PTPN9: variants seen among roughly 807,000 people sequenced by gnomAD.
The protein encoded by PTPN9 is tyrosine-protein phosphatase non-receptor type 9.
PTPN9 carries 26 observed loss-of-function variants against 69.8 expected under a neutral mutation model. The observed-to-expected ratio is 0.37, with a 90% CI of 0.27 to 0.52. PTPN9 has a LOEUF of 0.52. Among genes scored for constraint, PTPN9 ranks in the 20% least tolerant of loss-of-function variants. The probability of loss-of-function intolerance (pLI) is 0.91; values close to 1 mark genes in which losing one functional copy is unlikely to be tolerated. For synonymous variants in PTPN9, 274 were observed against 272.5 expected (o/e 1.01, Z -0.05); for missense variants, 549 against 740.3 (o/e 0.74, Z 3.00).
chr15:75,522,986 ATT>A, intron 4 of PTPN9, 133 bp downstream of exon 4: 1 of 1,044,474 alleles, frequency 9.6e-7, no homozygotes, highest in Non-Finnish European at 1.4e-6. Context: ...AAGGACATGG[ATT>A]GTTTTCTATT....
At chr15:75,480,270 G>GT (rs1156786806) in intron 8 of PTPN9, among the ~76,000 whole-genome samples, 1 of 152,108 alleles carries the variant, frequency 6.6e-6, no homozygotes, top group African/African-American at 2.4e-5. Flanking sequence ...TACCAAAGGC[G>GT]TAAGTGACAA....
chr15:75,574,598 T>C (rs2075162992), intron 1 of PTPN9, among the ~76,000 whole-genome samples: 1 of 152,124 alleles, frequency 6.6e-6, no homozygotes, highest in East Asian at 1.9e-4. Context: ...TTCTGATTCA[T>C]ATGACTGTAC....
In PTPN9 at chr15:75,517,377, C is replaced by G. The variant is rs2074875959; in HGVS notation, c.423-13G>C. 6.3e-7 allele frequency: 1 copy of G among 1,599,748 alleles called. No individual in the cohort carries two copies. Among genetic ancestry groups the G allele is most frequent in the African/African-American group, 1.3e-5 (1 of 74,436 alleles). ...CTGAGTTTCAAAGCTGTAAATCAAC[C>G]ATTGAACAAAAACATTTGTAAGTAA... On this transcript the variant is annotated splice_polypyrimidine_tract_variant and intron_variant, in intron 4 of 12. Transcript: ENST00000618819.
At chr15:75,476,151 C>A (rs2074594850) in intron 9 of PTPN9, among the ~76,000 whole-genome samples, 1 of 151,936 alleles carries the variant, frequency 6.6e-6, no homozygotes, top group Admixed American at 6.6e-5. Flanking sequence ...AGAGTGAGAC[C>A]CTGTCTCAAA....
intron 1 of PTPN9, among the ~76,000 whole-genome samples, chr15:75,569,885 G>A (rs529726509): frequency 2.6e-3 from 391 of 151,720 alleles, no homozygotes; most frequent in Non-Finnish European, 4.8e-3. Context: ...GCAGTGGCGC[G>A]ATCTCAGCTC....
At position 75,468,703 on chromosome 15, in the gene PTPN9, T is replaced by C. The variant is rs943805833; in HGVS notation, c.*66A>G. The C allele has an allele frequency of 6.9e-7, 1 of 1,443,684 alleles. No individual in the cohort carries two copies. Among genetic ancestry groups the C allele is most frequent in the African/African-American group, 1.4e-5 (1 of 71,348 alleles). The allele number at this position is 1,443,684 out of a possible 1,614,324, so 89.4% of individuals were successfully genotyped here. A position where few individuals can be genotyped will look rare whatever the true frequency, so the allele number is the denominator to read the frequency against. ...CTTCAGCGTAACTGATGGCAACCTATAGGCTCAGCGGTGTCCAGGGTAGTT... is the reference window on the plus strand; with the variant it reads ...CTTCAGCGTAACTGATGGCAACCTACAGGCTCAGCGGTGTCCAGGGTAGTT... On this transcript the variant is annotated 3_prime_UTR_variant, in exon 13 of 13. Coordinates refer to ENST00000618819, the MANE Select transcript of PTPN9 (RefSeq NM_002833.4).
At chr15:75,538,090 A>G (rs1277340819) in intron 1 of PTPN9, among the ~76,000 whole-genome samples, 1 of 149,450 alleles carries the variant, frequency 6.7e-6, no homozygotes, top group Non-Finnish European at 1.5e-5. Context: ...AAACACACAC[A>G]CACACAAAGC....
In PTPN9 at chr15:75,468,810, C is replaced by A. The variant is rs1402526433; in HGVS notation, c.1741G>T (p.Val581Leu). 1 of 1,614,088 alleles carries A rather than the reference C, an allele frequency of 6.2e-7. No homozygotes were observed. The highest frequency in any genetic ancestry group is 8.5e-7 in the Non-Finnish European group (1 of 1,179,990). ...ILEFAEKEGM[V>L]SSGQNLLAVE... Reference sequence around the variant, plus strand: ...GCCAGCAGGTTTTGGCCAGAGGATACCATGCCCTCCTTCTCTGCGAACTCC... The same window carrying A: ...GCCAGCAGGTTTTGGCCAGAGGATAACATGCCCTCCTTCTCTGCGAACTCC... The change falls in exon 13 of 13, where the codon GTA (valine) becomes TTA (leucine). Residue 581 changes from valine to leucine, a missense_variant. Val to Leu is a conservative substitution (Grantham distance 32, BLOSUM62 1). Around this residue, in one of 3 missense-constraint regions of PTPN9, gnomAD observed 30 missense variants for 24.8 expected, o/e 1.21. Transcript: ENST00000618819.
At chr15:75,488,112 A>G (rs1045796437) in intron 8 of PTPN9, among the ~76,000 whole-genome samples, 1 of 151,908 alleles carries the variant, frequency 6.6e-6, no homozygotes, top group Non-Finnish European at 1.5e-5. Context: ...GAAACCCCGT[A>G]TCTACTAAAA....
chr15:75,498,442 C>T (rs868163139), intron 7 of PTPN9, among the ~76,000 whole-genome samples: 1 of 151,670 alleles, frequency 6.6e-6, no homozygotes, highest in East Asian at 2.0e-4. Flanking sequence ...AGGCTGGGCA[C>T]GGTGGCTCAC....
chr15:75,577,902 C>T (rs2075181008), intron 1 of PTPN9, among the ~76,000 whole-genome samples: 1 of 152,186 alleles, frequency 6.6e-6, no homozygotes, highest in African/African-American at 2.4e-5. Flanking sequence ...CAGACCTTCC[C>T]ATCTTCCTCA....
intron 8 of PTPN9, among the ~76,000 whole-genome samples, chr15:75,480,322 AT>A (rs2074621473): frequency 6.6e-6 from 1 of 152,194 alleles, no homozygotes; most frequent in Non-Finnish European, 1.5e-5. Context: ...TTAAAAACTT[AT>A]GCCAGGCGCG....
chr15:75,558,678 G>A (rs925961878), intron 1 of PTPN9, among the ~76,000 whole-genome samples: 53 of 152,334 alleles, frequency 3.5e-4, no homozygotes, highest in Admixed American at 3.3e-4. Context: ...GCAGGCGCGC[G>A]CCGCCACACC....
intron 1 of PTPN9, among the ~76,000 whole-genome samples, chr15:75,554,001 CTTTCTT>C (rs1275840009): frequency 3.7e-5 from 4 of 108,460 alleles, no homozygotes; most frequent in African/African-American, 8.1e-5. Context: ...CCAATACTTT[CTTTCTT>C]TTTTTTTTTT....
intron 7 of PTPN9, among the ~76,000 whole-genome samples, chr15:75,503,285 G>A (rs2074785000): frequency 7.0e-6 from 1 of 143,478 alleles, no homozygotes; most frequent in Non-Finnish European, 1.5e-5. Flanking sequence ...CCTCTGCCCC[G>A]CTGCCCCGTC....
rs147590795 is a variant in PTPN9, at chr15:75,482,249, C to T, written c.1063-2335G>A. On this transcript the variant is annotated intron_variant, in intron 8 of 12. Transcript: ENST00000618819. ...CAAGATGTGCTTTGTTAAACAGATG[C>T]TTGAAGGCAGCATGCTCCTTAAGAG... Among the ~76,000 whole-genome samples, 1,216 of 152,116 alleles carry T rather than the reference C, an allele frequency of 8.0e-3. 23 individuals carry two copies. In the East Asian group the frequency reaches 0.1, roughly 13 times the overall value.
chr15:75,555,551 C>A (rs1397985529), intron 1 of PTPN9, among the ~76,000 whole-genome samples: 2 of 152,112 alleles, frequency 1.3e-5, no homozygotes, highest in Admixed American at 1.3e-4. Flanking sequence ...GTCACCCAGG[C>A]TGGAGTGCAG....
At chr15:75,471,004 T>C (rs947025346) in intron 10 of PTPN9, 174 bp from the exon 11 acceptor site, 1 of 745,638 alleles carries the variant, frequency 1.3e-6, no homozygotes, top group Admixed American at 3.0e-5. Flanking sequence ...TCTAAACAAA[T>C]GTACTCACAG....
chr15:75,522,290 T>C (rs2074908664), intron 4 of PTPN9, among the ~76,000 whole-genome samples: 1 of 152,212 alleles, frequency 6.6e-6, no homozygotes. Flanking sequence ...TCTTTATGCT[T>C]ATGCACCTCT....
Sources: allele counts gnomAD v4.1 joint callset (sites outside exome capture counted in the v4.1 genomes callset), GRCh38; gene constraint gnomAD v4.1.1; regional missense constraint gnomAD v4.1.1; transcripts MANE v1.5; gene names NCBI Gene and HGNC (gene_info 2026-07-23, HGNC 2026-07-21).